The following HERC2 variants were observed in gnomAD, a reference collection of about 807,000 sequenced individuals.
HERC2 encodes E3 ubiquitin-protein ligase HERC2.
In HERC2, 102 loss-of-function variants were observed where a neutral mutation model predicts 537.7. The ratio of observed to expected loss-of-function variants is 0.19; its 90% confidence interval spans 0.16 to 0.22. The LOEUF is 0.22. Among genes scored for constraint, HERC2 ranks in the 10% least tolerant of loss-of-function variants. The pLI is 1.00. For synonymous variants in HERC2, 2,224 were observed against 2,466.2 expected (o/e 0.90, Z 2.91); for missense variants, 4,236 against 6,198.2 (o/e 0.68, Z 10.63).
intron 2 of HERC2, 97 bp from the exon 3 acceptor site, chr15:28,299,613 TA>T (rs2076564140): frequency 7.6e-6 from 5 of 656,566 alleles, no homozygotes; most frequent in South Asian, 1.9e-5. Context: ...CCCCCTTATG[TA>T]TTCGATCATT....
At chr15:28,319,819 A>C (rs1228112735) in intron 2 of HERC2, among the ~76,000 whole-genome samples, 1 of 152,206 alleles carries the variant, frequency 6.6e-6, no homozygotes, top group Admixed American at 6.5e-5. Context: ...ACAATTATTA[A>C]GAAAAACACT....
At chr15:28,112,089 T>C (rs1887704846) in intron 92 of HERC2, 54 bp from the exon 93 acceptor site, 1 of 1,546,268 alleles carries the variant, frequency 6.5e-7, no homozygotes, top group Non-Finnish European at 8.9e-7. Context: ...GCAGTTTACT[T>C]TACTGTGCTC....
At chr15:28,130,428 T>A (rs1889986171) in intron 82 of HERC2, 75 bp downstream of exon 82, 1 of 1,581,500 alleles carries the variant, frequency 6.3e-7, no homozygotes, top group Non-Finnish European at 8.7e-7. Context: ...TACATTCCCA[T>A]CCATGAAAAG....
Position 28,248,724 on chromosome 15 carries a change from A to C in HERC2, c.3063T>G (p.Ser1021=), listed in dbSNP as rs377429184. The change falls in exon 21 of 93, where the codon TCT becomes TCG. Residue 1021 remains serine, a synonymous_variant. Coordinates refer to ENST00000261609, the MANE Select transcript of HERC2 (RefSeq NM_004667.6). The part of the protein sequence containing the change: ...LIQQLLRNIA[S]QTVARLKDVA... ...CATCTTTCAATCTGGCTACAGTCTG[A>C]GAAGCAATGTTTCTATACAGGAAAG... The C allele has an allele frequency of 1.1e-5, 17 of 1,613,430 alleles. No homozygotes were observed. In the African/African-American group the frequency reaches 2.3e-4, roughly 22 times the overall value.
In HERC2 at chr15:28,167,816, A is replaced by G; in HGVS notation, c.10425T>C (p.Ser3475=). Reference sequence around the variant, plus strand: ...CTGCAGAGGGGGTCACTGCGTCCTCAGAGGAAACAATCTAGTCCAAGAGTG... The same window carrying G: ...CTGCAGAGGGGGTCACTGCGTCCTCGGAGGAAACAATCTAGTCCAAGAGTG... ...PWQEKREIVS[S]EDAVTPSAVT... Residue 3475 remains serine (S), a synonymous_variant, in exon 68 of 93, where the codon TCT becomes TCC. Coordinates refer to ENST00000261609, the MANE Select transcript of HERC2 (RefSeq NM_004667.6). 1 of 1,613,080 alleles carries G rather than the reference A, an allele frequency of 6.2e-7. No individual in the cohort carries two copies. The highest frequency in any genetic ancestry group is 8.5e-7 in the Non-Finnish European group (1 of 1,179,772).
At chr15:28,166,721 C>T (rs1894174660) in intron 68 of HERC2, among the ~76,000 whole-genome samples, 1 of 152,022 alleles carries the variant, frequency 6.6e-6, no homozygotes, top group South Asian at 2.1e-4. Context: ...ACGGGAGTCC[C>T]AATGACCGGG....
At chr15:28,267,233 T>C (rs2075593697) in intron 12 of HERC2, among the ~76,000 whole-genome samples, 3 of 152,154 alleles carry the variant, frequency 2.0e-5, no homozygotes, top group Admixed American at 2.0e-4. Context: ...ATGACTCTAC[T>C]CCAGTACAAA....
At position 28,265,859 on chromosome 15, in the gene HERC2, G is replaced by A. The variant is rs115292133; in HGVS notation, c.1714C>T (p.Leu572=). ...YSAAITAEGE[L]YTWGRGNYGR... The stretch of plus-strand genomic sequence containing the variant: ...TAGTTCCCGCGGCCCCAGGTGTACA[G>A]CTCCCCCTCGGCAGTGATGGCCGCA... Residue 572 remains leucine (L), a synonymous_variant, in exon 13 of 93, where the codon CTG becomes TTG. Coordinates refer to ENST00000261609, the MANE Select transcript of HERC2 (RefSeq NM_004667.6). This position sits in a 1 kb window ranked among gnomAD's most constrained non-coding sequence, Gnocchi z 4.0. 1.1e-3 allele frequency: 1,792 copies of A among 1,614,198 alleles called. 16 individuals are homozygous for A. In the African/African-American group the frequency reaches 0.021, roughly 19 times the overall value.
At chr15:28,147,512 C>T (rs1475973181) in intron 70 of HERC2, among the ~76,000 whole-genome samples, 1 of 151,682 alleles carries the variant, frequency 6.6e-6, no homozygotes, top group Non-Finnish European at 1.5e-5. Context: ...CTGGGCACGG[C>T]CTATAGTCCC....
chr15:28,124,652 A>G (rs1889279296), intron 84 of HERC2, among the ~76,000 whole-genome samples: 1 of 152,188 alleles, frequency 6.6e-6, no homozygotes, highest in Admixed American at 6.5e-5. Flanking sequence ...TTTCAGACTC[A>G]AGTGATCCTC....
At chr15:28,219,783 C>T (rs1458733229) in intron 37 of HERC2, among the ~76,000 whole-genome samples, 1 of 152,174 alleles carries the variant, frequency 6.6e-6, no homozygotes, top group Non-Finnish European at 1.5e-5. Flanking sequence ...CCGGAGGCAG[C>T]CCCAGCCTCT....
intron 55 of HERC2, chr15:28,190,460 G>C (rs570770594): frequency 6.3e-6 from 1 of 159,042 alleles, no homozygotes; most frequent in African/African-American, 2.4e-5. Flanking sequence ...CTGTTTAAAA[G>C]AACCTTCACT....
In HERC2 at chr15:28,257,179, T is replaced by A. The variant is rs200021106; in HGVS notation, c.2399A>T (p.Glu800Val). 3.7e-6 allele frequency: 6 copies of A among 1,613,778 alleles called. No individual in the cohort carries two copies. In the East Asian group the frequency reaches 1.3e-4, roughly 36 times the overall value. ...FVVDICSMTF[E>V]QLDLLLRQVS... Reference sequence around the variant, plus strand: ...CTGCCGAAGCAGGAGATCCAGCTGCTCAAAAGTCATTGAGCAGATGTCCAC... The same window carrying A: ...CTGCCGAAGCAGGAGATCCAGCTGCACAAAAGTCATTGAGCAGATGTCCAC... The change falls in exon 17 of 93, where the codon GAG becomes GTG. Residue 800 changes from glutamate to valine, a missense_variant. This residue lies in a region of HERC2 where 754 missense variants were observed against 1,085.0 expected (regional missense o/e 0.69). Transcript: ENST00000261609.
Position 28,114,688 on chromosome 15 carries a change from T to A in HERC2, c.13837A>T (p.Ile4613Phe), listed in dbSNP as rs1269146868. 2 of 1,614,006 alleles carry A rather than the reference T, an allele frequency of 1.2e-6. No homozygotes were observed. The highest frequency in any genetic ancestry group is 8.5e-7 in the Non-Finnish European group (1 of 1,180,034). ...TGTGTGTGCTTGGAGCTCAACTGAATGTCCTGGCCACTGGCACTTGGCACT... is the reference window on the plus strand; with the variant it reads ...TGTGTGTGCTTGGAGCTCAACTGAAAGTCCTGGCCACTGGCACTTGGCACT... The part of the protein sequence containing the change: ...FTVPSASGQD[I>F]QLSSKHTHIT... The change falls in exon 90 of 93, where the codon ATT becomes TTT. Residue 4613 changes from isoleucine to phenylalanine, a missense_variant. Ile to Phe is a conservative substitution (Grantham distance 21). Transcript: ENST00000261609.
Position 28,265,751 on chromosome 15 carries a change from C to T in HERC2, c.1757-20G>A, listed in dbSNP as rs775718046. 16 of 1,613,536 alleles carry T rather than the reference C, an allele frequency of 9.9e-6. No individual in the cohort carries two copies. Among genetic ancestry groups the T allele is most frequent in the South Asian group, 2.2e-5 (2 of 91,058 alleles). Reference sequence around the variant, plus strand: ...TGGAGCCTTCAAACAGATAGGACGGCGGTTACTAAGTCCTGTAAGAGGCCA... The same window carrying T: ...TGGAGCCTTCAAACAGATAGGACGGTGGTTACTAAGTCCTGTAAGAGGCCA... On this transcript the variant is annotated intron_variant, in intron 13 of 92. Transcript: ENST00000261609. The surrounding 1 kb of genome is among the most constrained non-coding windows in gnomAD (Gnocchi z 4.0).
chr15:28,153,848 A>G (rs2142355230), intron 69 of HERC2, among the ~76,000 whole-genome samples: 1 of 152,226 alleles, frequency 6.6e-6, no homozygotes, highest in South Asian at 2.1e-4. Context: ...GAAAATGACC[A>G]CAATCCTAGA....
chr15:28,252,919 C>T (rs1284326266), intron 20 of HERC2, among the ~76,000 whole-genome samples: 1 of 152,216 alleles, frequency 6.6e-6, no homozygotes, highest in Non-Finnish European at 1.5e-5. Flanking sequence ...GCCCAACCCA[C>T]ACCACAGACC....
chr15:28,140,017 G>A (rs1891047147), intron 78 of HERC2, among the ~76,000 whole-genome samples: 1 of 151,320 alleles, frequency 6.6e-6, no homozygotes, highest in African/African-American at 2.4e-5. Context: ...GTAGTGAGCC[G>A]AGACTGTGCC....
rs752096838 is a variant in HERC2 at position 28,169,595 on chromosome 15, G to A, written c.10118C>T (p.Ser3373Phe). 1.2e-6 allele frequency: 2 copies of A among 1,614,056 alleles called. No individual in the cohort carries two copies. The highest frequency in any genetic ancestry group is 1.7e-5 in the Admixed American group (1 of 59,990). The change falls in exon 66 of 93, where the codon TCT becomes TTT. Residue 3373 changes from serine to phenylalanine, a missense_variant. Ser to Phe is a radical substitution (Grantham distance 155). Around this residue, in one of 27 missense-constraint regions of HERC2, gnomAD observed 356 missense variants for 450.9 expected, o/e 0.79. Transcript: ENST00000261609. ...ASNKISGASNSKPNRPSLAKI... is the reference protein window; with the variant it reads ...ASNKISGASNFKPNRPSLAKI... ...GGCAAGAGAAGGGCGATTTGGCTTA[G>A]AATTACTTGCACCACTTATTTTATT...
Sources: gnomAD v4.1 joint callset for allele counts (sites outside exome capture counted in the v4.1 genomes callset) on GRCh38, gnomAD v4.1.1 for gene constraint, gnomAD v4.1.1 regional missense constraint, Gnocchi (gnomAD v3.1) non-coding constraint, MANE v1.5 for transcripts, NCBI Gene and HGNC (gene_info 2026-07-23, HGNC 2026-07-21) for gene names.